Variants in MAGI2 observed in about 807,000 individuals in gnomAD.
MAGI2 encodes membrane associated guanylate kinase, WW and PDZ domain containing 2, also known as membrane-associated guanylate kinase, WW and PDZ domain-containing protein 2.
A neutral mutation model predicts 133.3 loss-of-function variants in MAGI2; 35 were observed. That is an observed-to-expected ratio of 0.26 (90% CI 0.20 to 0.35). The LOEUF is 0.35. Among genes scored for constraint, MAGI2 ranks in the 10% least tolerant of loss-of-function variants. The pLI, the probability that MAGI2 is intolerant of heterozygous loss-of-function variation, is 1.00. For synonymous variants in MAGI2, 729 were observed against 710.6 expected, an observed-to-expected ratio of 1.03 and a Z score of -0.41; for missense variants, 1,636 against 1,863.4, an observed-to-expected ratio of 0.88 and a Z score of 2.25.
At position 78,953,547 on chromosome 7, in the gene MAGI2, TA is replaced by T. The variant is rs1421543597; in HGVS notation, c.418+53542del. Reference sequence around the variant, plus strand: ...TATGACATTTTCCTTCCAAATTCTTTATTGTCATATTTAAATTATAACCCAG... The same window carrying T: ...TATGACATTTTCCTTCCAAATTCTTTTTGTCATATTTAAATTATAACCCAG... On this transcript the variant is annotated intron_variant, in intron 2 of 21. Coordinates refer to ENST00000354212, the MANE Select transcript of MAGI2 (RefSeq NM_012301.4). Among the ~76,000 whole-genome samples, 7 of 152,300 alleles carry T rather than the reference TA, an allele frequency of 4.6e-5. No individual in the cohort carries two copies. In the South Asian group the frequency reaches 6.2e-4, roughly 14 times the overall value.
rs12671789 is a variant in MAGI2, at chr7:78,452,977, A to G, written c.1045+36784T>C. Reference sequence around the variant, plus strand: ...TCACACTTGCTTTTATGTCAAAACTAAAGAAATAATTTTTGAAATTTTTTT... The same window carrying G: ...TCACACTTGCTTTTATGTCAAAACTGAAGAAATAATTTTTGAAATTTTTTT... On this transcript the variant is annotated intron_variant, in intron 6 of 21. Transcript: ENST00000354212. Among the ~76,000 whole-genome samples the G allele has an allele frequency of 2.8e-3, 422 of 152,276 alleles. 4 individuals carry two copies. The East Asian group carries it at 0.036, about 13-fold the overall frequency.
At chr7:78,026,181 T>C (rs890836120) in intron 21 of MAGI2, 1 of 152,448 alleles carries the variant, frequency 6.6e-6, no homozygotes, top group African/African-American at 2.4e-5. Context: ...CATTATGTTT[T>C]AGTTAAAAGA....
chr7:78,129,130 T>C (rs1821288155), intron 18 of MAGI2, among the ~76,000 whole-genome samples: 1 of 152,154 alleles, frequency 6.6e-6, no homozygotes, highest in Non-Finnish European at 1.5e-5. Flanking sequence ...TCCAACCAAA[T>C]GTGACATGAG....
intron 4 of MAGI2, among the ~76,000 whole-genome samples, chr7:78,505,264 T>G (rs1282144419): frequency 6.6e-6 from 1 of 152,160 alleles, no homozygotes; most frequent in African/African-American, 2.4e-5. Context: ...TTAGAAATAC[T>G]TATCTAATAT....
chr7:78,859,193 A>T (rs1258868984), intron 2 of MAGI2, among the ~76,000 whole-genome samples: 1 of 152,092 alleles, frequency 6.6e-6, no homozygotes, highest in African/African-American at 2.4e-5. Context: ...CTCTTTACCC[A>T]ATTTGCCCAT....
chr7:78,185,159 G>A (rs4730098), intron 13 of MAGI2, among the ~76,000 whole-genome samples: 85,277 of 152,022 alleles, frequency 0.56, 24,842 homozygotes, highest in South Asian at 0.73. Context: ...GCAAAATATT[G>A]TTTCAACATA....
intron 6 of MAGI2, among the ~76,000 whole-genome samples, chr7:78,479,126 G>T (rs557790024): frequency 2.0e-5 from 3 of 151,968 alleles, no homozygotes; most frequent in Admixed American, 6.6e-5. Context: ...TAATCTCCAA[G>T]AATTACAACT....
chr7:79,062,478 T>C (rs1013428453), intron 1 of MAGI2, among the ~76,000 whole-genome samples: 9 of 152,168 alleles, frequency 5.9e-5, no homozygotes, highest in African/African-American at 4.8e-5. Flanking sequence ...CCTTGTTTTC[T>C]GTTCTTCTTA....
chr7:79,071,588 G>C (rs960118894), intron 1 of MAGI2, among the ~76,000 whole-genome samples: 6 of 151,892 alleles, frequency 4.0e-5, no homozygotes, highest in African/African-American at 1.2e-4. Context: ...CAGGGAAATG[G>C]GGGTTTTATC....
chr7:79,250,691 T>A (rs1404765093), intron 1 of MAGI2, among the ~76,000 whole-genome samples: 1 of 152,108 alleles, frequency 6.6e-6, no homozygotes. Flanking sequence ...ACAGATTTAA[T>A]GCAATCTCTA....
At chr7:78,729,546 T>C (rs1260273954) in intron 2 of MAGI2, among the ~76,000 whole-genome samples, 1 of 152,216 alleles carries the variant, frequency 6.6e-6, no homozygotes, top group Non-Finnish European at 1.5e-5. Context: ...ATCTATTCAA[T>C]ATTTTTTGAA....
intron 2 of MAGI2, among the ~76,000 whole-genome samples, chr7:78,704,431 G>A (rs1420419531): frequency 6.6e-6 from 1 of 152,110 alleles, no homozygotes; most frequent in East Asian, 1.9e-4. Context: ...CGCTAGTGAA[G>A]TTGTGGAGAA....
chr7:78,402,156 T>C (rs1303338007), intron 6 of MAGI2, among the ~76,000 whole-genome samples: 3 of 152,226 alleles, frequency 2.0e-5, no homozygotes, highest in East Asian at 1.9e-4. Context: ...AGTCCAGCAC[T>C]GTGCTTGACA....
At chr7:78,571,309 T>C (rs1300356483) in intron 3 of MAGI2, among the ~76,000 whole-genome samples, 1 of 152,188 alleles carries the variant, frequency 6.6e-6, no homozygotes, top group Non-Finnish European at 1.5e-5. Context: ...ATGGGGCCTC[T>C]TTGGCTCCTG....
intron 14 of MAGI2, among the ~76,000 whole-genome samples, chr7:78,169,944 C>T (rs1180594131): frequency 6.6e-6 from 1 of 152,136 alleles, no homozygotes; most frequent in Non-Finnish European, 1.5e-5. Context: ...AAGGCTCAAC[C>T]CACTATGGAG....
chr7:79,384,166 T>C (rs779032709), intron 1 of MAGI2, among the ~76,000 whole-genome samples: 1 of 151,150 alleles, frequency 6.6e-6, no homozygotes, highest in Non-Finnish European at 1.5e-5. Context: ...TCAAAACTCA[T>C]GGCAAGAGAA....
At chr7:78,545,399 G>GACC (rs2150683343) in intron 3 of MAGI2, among the ~76,000 whole-genome samples, 1 of 152,018 alleles carries the variant, frequency 6.6e-6, no homozygotes, top group African/African-American at 2.4e-5. Flanking sequence ...TTTTAGCAGA[G>GACC]AAGGGGATTC....
At chr7:78,087,159 C>A (rs1816732874) in intron 20 of MAGI2, among the ~76,000 whole-genome samples, 1 of 152,132 alleles carries the variant, frequency 6.6e-6, no homozygotes, top group African/African-American at 2.4e-5. Flanking sequence ...GAAGTATTGA[C>A]CTTTGCCAAT....
At chr7:79,134,542 A>G (rs1821206517) in intron 1 of MAGI2, among the ~76,000 whole-genome samples, 1 of 152,194 alleles carries the variant, frequency 6.6e-6, no homozygotes, top group Non-Finnish European at 1.5e-5. Flanking sequence ...AATTCTATAT[A>G]AAACTTTCAA....
Sources: gnomAD v4.1 joint callset for allele counts (sites outside exome capture counted in the v4.1 genomes callset) on GRCh38, gnomAD v4.1.1 for gene constraint, MANE v1.5 for transcripts, NCBI Gene and HGNC (gene_info 2026-07-23, HGNC 2026-07-21) for gene names.